DGKB: variants seen among roughly 807,000 people sequenced by gnomAD.
DGKB encodes diacylglycerol kinase beta.
In DGKB, 67 loss-of-function variants were observed where a neutral mutation model predicts 114.3. The observed-to-expected ratio is 0.59, with a 90% confidence interval of 0.48 to 0.72. DGKB has a LOEUF of 0.72. DGKB is among the 30% of genes least tolerant of loss of function. The pLI, the probability that DGKB is intolerant of heterozygous loss-of-function variation, is 0.00. For synonymous variants in DGKB, 398 were observed against 323.1 expected, an observed-to-expected ratio of 1.23 and a Z score of -2.49; for missense variants, 907 against 975.2, an observed-to-expected ratio of 0.93 and a Z score of 0.93.
intron 21 of DGKB, among the ~76,000 whole-genome samples, chr7:14,350,382 G>A (rs1025685683): frequency 2.0e-5 from 3 of 151,834 alleles, no homozygotes; most frequent in African/African-American, 4.8e-5. Context: ...TAACATTAAC[G>A]AAGTAAACAT....
chr7:14,816,163 T>A (rs902251008), intron 2 of DGKB, among the ~76,000 whole-genome samples: 1 of 152,026 alleles, frequency 6.6e-6, no homozygotes, highest in Non-Finnish European at 1.5e-5. Flanking sequence ...AAATCCCGTC[T>A]CTACTAATAA....
At chr7:14,673,132 T>A in intron 12 of DGKB, 105 bp from the exon 13 acceptor site, 2 of 639,238 alleles carry the variant, frequency 3.1e-6, no homozygotes, top group South Asian at 2.1e-5. Flanking sequence ...AAAAGTACAA[T>A]AAAGAAATTA....
At chr7:14,711,106 C>T (rs1827285915) in intron 6 of DGKB, among the ~76,000 whole-genome samples, 1 of 151,978 alleles carries the variant, frequency 6.6e-6, no homozygotes, top group Non-Finnish European at 1.5e-5. Context: ...CCAGTTGATT[C>T]CAGTAGGAAG....
intron 21 of DGKB, among the ~76,000 whole-genome samples, chr7:14,420,315 T>C (rs1224353640): frequency 6.6e-6 from 1 of 152,002 alleles, no homozygotes; most frequent in African/African-American, 2.4e-5. Flanking sequence ...GTTTACATTT[T>C]GTGAAGTTCT....
intron 20 of DGKB, among the ~76,000 whole-genome samples, chr7:14,513,816 T>C (rs544774826): frequency 6.6e-6 from 1 of 152,136 alleles, no homozygotes; most frequent in East Asian, 1.9e-4. Flanking sequence ...ATTAAAATAA[T>C]GAGCATATGG....
At chr7:14,415,516 C>T (rs917484140) in intron 21 of DGKB, among the ~76,000 whole-genome samples, 52 of 150,724 alleles carry the variant, frequency 3.5e-4, no homozygotes, top group African/African-American at 7.5e-4. Context: ...TGAGAACATG[C>T]GGTGTTTGGT....
chr7:14,312,243 G>A (rs1027684827), intron 23 of DGKB, among the ~76,000 whole-genome samples: 2 of 152,160 alleles, frequency 1.3e-5, no homozygotes, highest in Admixed American at 6.5e-5. Flanking sequence ...TATGTGGAAC[G>A]CCACACTGGT....
At chr7:14,870,034 C>G (rs1231891800) in intron 1 of DGKB, among the ~76,000 whole-genome samples, 1 of 151,948 alleles carries the variant, frequency 6.6e-6, no homozygotes, top group Admixed American at 6.6e-5. Flanking sequence ...ATATTGAGAC[C>G]CAGAGTTGCA....
intron 2 of DGKB, among the ~76,000 whole-genome samples, chr7:14,796,385 C>A (rs553739966): frequency 1.3e-5 from 2 of 152,314 alleles, no homozygotes; most frequent in South Asian, 4.1e-4. Flanking sequence ...GTTGAACACA[C>A]TTTCCACTTG....
At chr7:14,547,696 A>C (rs1410057237) in intron 20 of DGKB, among the ~76,000 whole-genome samples, 1 of 151,794 alleles carries the variant, frequency 6.6e-6, no homozygotes, top group Non-Finnish European at 1.5e-5. Context: ...ATGTTAAAAA[A>C]ATTCCTTAGC....
At chr7:14,521,155 G>A (rs1446780183) in intron 20 of DGKB, among the ~76,000 whole-genome samples, 3 of 151,784 alleles carry the variant, frequency 2.0e-5, no homozygotes, top group Admixed American at 6.6e-5. Flanking sequence ...TAATATTTTC[G>A]TTTAACAACA....
At chr7:14,387,324 A>G (rs1820542351) in intron 21 of DGKB, among the ~76,000 whole-genome samples, 1 of 149,578 alleles carries the variant, frequency 6.7e-6, no homozygotes, top group Admixed American at 6.7e-5. Context: ...GAGGCAGGAG[A>G]ATTGCTTGAA....
At chr7:14,334,836 A>G (rs1316764846) in intron 23 of DGKB, among the ~76,000 whole-genome samples, 1 of 152,180 alleles carries the variant, frequency 6.6e-6, no homozygotes, top group African/African-American at 2.4e-5. Flanking sequence ...GGAAAGGTCG[A>G]ATATTAACGC....
At chr7:14,891,147 G>A (rs1781163425) in intron 1 of DGKB, among the ~76,000 whole-genome samples, 1 of 151,152 alleles carries the variant, frequency 6.6e-6, no homozygotes, top group African/African-American at 2.4e-5. Context: ...TTATCCACAG[G>A]GAATACGTTC....
chr7:14,497,076 T>G (rs915672136), intron 20 of DGKB, among the ~76,000 whole-genome samples: 1 of 151,822 alleles, frequency 6.6e-6, no homozygotes, highest in African/African-American at 2.4e-5. Context: ...CTAAGTGAAG[T>G]AACTCAGAAA....
intron 1 of DGKB, among the ~76,000 whole-genome samples, chr7:14,846,257 T>C (rs796214023): frequency 1.4e-4 from 21 of 152,300 alleles, no homozygotes; most frequent in African/African-American, 5.1e-4. Context: ...TTTGAATAAA[T>C]CCTCTCTTTC....
Position 14,549,404 on chromosome 7 carries a change from AT to A in DGKB, c.1770+24807del, listed in dbSNP as rs80210648. Among the ~76,000 whole-genome samples the A allele has an allele frequency of 2.0e-4, 31 of 152,032 alleles. No homozygotes were observed. The South Asian group carries it at 5.0e-3, about 24-fold the overall frequency. ...CCCCAGAAATTACCTAGGAATAAATATTTTTTTTTAAAAAATTGATATATAT... is the reference window on the plus strand; with the variant it reads ...CCCCAGAAATTACCTAGGAATAAATATTTTTTTTAAAAAATTGATATATAT... On this transcript the variant is annotated intron_variant, in intron 20 of 25. Transcript: ENST00000402815.
At chr7:14,257,291 G>A (rs1262648040) in intron 23 of DGKB, among the ~76,000 whole-genome samples, 1 of 152,100 alleles carries the variant, frequency 6.6e-6, no homozygotes, top group East Asian at 1.9e-4. Context: ...ATGCATTTAC[G>A]ATTTCTACCC....
chr7:14,627,627 G>A (rs925795845), intron 14 of DGKB, among the ~76,000 whole-genome samples: 53 of 151,536 alleles, frequency 3.5e-4, no homozygotes, highest in African/African-American at 1.3e-3. Flanking sequence ...ACACATATAT[G>A]TATGTGTATA....
Sources: allele counts gnomAD v4.1 joint callset (sites outside exome capture counted in the v4.1 genomes callset), GRCh38; gene constraint gnomAD v4.1.1; transcripts MANE v1.5; gene names NCBI Gene and HGNC (gene_info 2026-07-23, HGNC 2026-07-21).